The following TMCC1 variants were observed in gnomAD, a reference collection of about 807,000 sequenced individuals.
The protein encoded by TMCC1 is transmembrane and coiled-coil domains protein 1.
A neutral mutation model predicts 52.4 loss-of-function variants in TMCC1; 15 were observed. The observed-to-expected ratio is 0.29, with a 90% CI of 0.19 to 0.44. The LOEUF is 0.44. Among genes scored for constraint, TMCC1 ranks in the 20% least tolerant of loss-of-function variants. The pLI, the probability that TMCC1 is intolerant of heterozygous loss-of-function variation, is 1.00. For synonymous variants in TMCC1, 279 were observed against 301.9 expected (o/e 0.92, Z 0.79); for missense variants, 503 against 806.0 (o/e 0.62, Z 4.55).
chr3:129,850,212 TG>T (rs1171545277), intron 2 of TMCC1, among the ~76,000 whole-genome samples: 1 of 152,212 alleles, frequency 6.6e-6, no homozygotes, highest in Non-Finnish European at 1.5e-5. Context: ...ACTAAACAAA[TG>T]TTTAAGTGCC....
At chr3:129,794,316 C>G (rs2056670571) in intron 4 of TMCC1, 4 of 456,108 alleles carry the variant, frequency 8.8e-6, no homozygotes, top group Non-Finnish European at 1.8e-5. Flanking sequence ...AGAAAACTAC[C>G]AACCCACCTT....
intron 2 of TMCC1, among the ~76,000 whole-genome samples, chr3:129,842,920 A>G (rs1225903699): frequency 6.6e-5 from 10 of 152,256 alleles, no homozygotes; most frequent in Non-Finnish European, 1.3e-4. Context: ...AACATTATCA[A>G]AATTTATGAA....
chr3:129,715,947 CCTTTTCCCCTATACCCCACTTCCTA>C (rs1333302738), intron 4 of TMCC1, among the ~76,000 whole-genome samples: 3 of 152,070 alleles, frequency 2.0e-5, no homozygotes, highest in Non-Finnish European at 2.9e-5. Context: ...TCTCATTCCT[CCTTTTCCCCTATACCCCACTTCCTA>C]CTTAGCTCTT....
At chr3:129,805,767 T>A (rs996028742) in intron 4 of TMCC1, among the ~76,000 whole-genome samples, 2 of 151,652 alleles carry the variant, frequency 1.3e-5, no homozygotes, top group Non-Finnish European at 2.9e-5. Context: ...ACTCCATCTC[T>A]ACAAAAAAAC....
At chr3:129,848,726 C>T (rs2059778349) in intron 2 of TMCC1, among the ~76,000 whole-genome samples, 1 of 152,206 alleles carries the variant, frequency 6.6e-6, no homozygotes, top group Non-Finnish European at 1.5e-5. Context: ...CTCAAATGAG[C>T]ATTTGATTCT....
At chr3:129,770,078 A>G (rs2054432164) in intron 4 of TMCC1, among the ~76,000 whole-genome samples, 2 of 152,204 alleles carry the variant, frequency 1.3e-5, no homozygotes, top group African/African-American at 4.8e-5. Flanking sequence ...TTTGTTTCTT[A>G]TATGTTATTA....
At chr3:129,858,729 G>A (rs537257907) in intron 2 of TMCC1, among the ~76,000 whole-genome samples, 1 of 151,866 alleles carries the variant, frequency 6.6e-6, no homozygotes, top group African/African-American at 2.4e-5. Context: ...TTTTTTTCAG[G>A]GTCCTCACAT....
chr3:129,882,983 C>G (rs2061527974), intron 1 of TMCC1, among the ~76,000 whole-genome samples: 1 of 152,256 alleles, frequency 6.6e-6, no homozygotes, highest in East Asian at 1.9e-4. Context: ...TTACTGAACA[C>G]CACACTTAAA....
At chr3:129,805,300 T>C (rs1409863084) in intron 4 of TMCC1, among the ~76,000 whole-genome samples, 1 of 152,080 alleles carries the variant, frequency 6.6e-6, no homozygotes, top group Non-Finnish European at 1.5e-5. Context: ...GTAGCTGAGA[T>C]TGTGGGCACA....
chr3:129,720,860 A>C (rs1407822923), intron 4 of TMCC1, among the ~76,000 whole-genome samples: 3 of 151,812 alleles, frequency 2.0e-5, no homozygotes, highest in Non-Finnish European at 4.4e-5. Flanking sequence ...ATGCCTGGCT[A>C]ATTTTTATTT....
intron 2 of TMCC1, among the ~76,000 whole-genome samples, chr3:129,850,412 T>A (rs1337802780): frequency 6.6e-6 from 1 of 152,244 alleles, no homozygotes; most frequent in Non-Finnish European, 1.5e-5. Flanking sequence ...TGTCTTCCTA[T>A]CAGAGTCCCT....
At chr3:129,722,422 T>C (rs1054726252) in intron 4 of TMCC1, among the ~76,000 whole-genome samples, 2 of 152,120 alleles carry the variant, frequency 1.3e-5, no homozygotes, top group African/African-American at 4.8e-5. Context: ...ACCCCATCTG[T>C]GGAAAAATTG....
Position 129,827,905 on chromosome 3 carries a change from G to A in TMCC1, c.474C>T (p.Ser158=). ...CAGAGCTGGTAGGTGCATCAGTTGT[G>A]GATGAAGACCTGGGTCGGCCTGACT... The part of the protein sequence containing the change: ...VMQSGRPRSS[S]TTDAPTSSAM... Residue 158 remains serine, a synonymous_variant, in exon 4 of 7, where the codon TCC becomes TCT. Coordinates refer to ENST00000393238, the MANE Select transcript of TMCC1 (RefSeq NM_001017395.5). 6.2e-7 allele frequency: 1 copy of A among 1,614,096 alleles called. No homozygotes were observed. The highest frequency in any genetic ancestry group is 1.1e-5 in the South Asian group (1 of 91,078).
chr3:129,835,616 G>A (rs986763026), intron 2 of TMCC1, among the ~76,000 whole-genome samples: 1 of 152,110 alleles, frequency 6.6e-6, no homozygotes, highest in African/African-American at 2.4e-5. Context: ...GTGTAAAAGC[G>A]GCAAGCAATC....
rs141151090 is a variant in TMCC1 at position 129,688,739 on chromosome 3, G to C, written c.577-17475C>G. The C allele has an allele frequency of 1.0e-3, 1,012 of 985,394 alleles. 10 individuals carry two copies. In the African/African-American group the frequency reaches 0.017, roughly 16 times the overall value. The allele number at this position is 985,394 out of a possible 1,614,324, so 61.0% of individuals were successfully genotyped here. ...CTAGAGCAGCTAATGCAAATGAATA[G>C]TTTGACTCTGAGAATGGAGATCACA... On this transcript the variant is annotated intron_variant, in intron 4 of 6. Coordinates refer to ENST00000393238, the MANE Select transcript of TMCC1 (RefSeq NM_001017395.5).
At chr3:129,845,219 C>T (rs895260746) in intron 2 of TMCC1, among the ~76,000 whole-genome samples, 1 of 135,324 alleles carries the variant, frequency 7.4e-6, no homozygotes, top group African/African-American at 2.7e-5. Flanking sequence ...CACACACACA[C>T]AATGCTAGAA....
At chr3:129,890,699 C>T (rs766898827) in intron 1 of TMCC1, among the ~76,000 whole-genome samples, 1 of 152,242 alleles carries the variant, frequency 6.6e-6, no homozygotes, top group Non-Finnish European at 1.5e-5. Context: ...TTTCCTCTTG[C>T]TCTTTCCCTC....
chr3:129,733,963 AAGTT>A (rs1450142098), intron 4 of TMCC1, among the ~76,000 whole-genome samples: 2 of 152,202 alleles, frequency 1.3e-5, no homozygotes, highest in East Asian at 3.8e-4. Flanking sequence ...TGATAGGAAT[AAGTT>A]AGCATAATCA....
chr3:129,771,445 T>C (rs2054567040), intron 4 of TMCC1, among the ~76,000 whole-genome samples: 1 of 152,104 alleles, frequency 6.6e-6, no homozygotes, highest in Non-Finnish European at 1.5e-5. Flanking sequence ...AAAAAGTGTA[T>C]GGCAGGAGAA....
Sources: allele counts gnomAD v4.1 joint callset (sites outside exome capture counted in the v4.1 genomes callset), GRCh38; gene constraint gnomAD v4.1.1; transcripts MANE v1.5; gene names NCBI Gene and HGNC (gene_info 2026-07-23, HGNC 2026-07-21).